SELENOW: variants seen among roughly 807,000 people sequenced by gnomAD.
SELENOW encodes the protein selenoprotein W, 1.
Under a neutral mutation model 16.6 loss-of-function variants are expected in SELENOW, and 20 were observed. The ratio of observed to expected loss-of-function variants is 1.21; its 90% CI spans 0.85 to 1.76. The LOEUF (loss-of-function observed/expected upper bound fraction) is 1.76. SELENOW is among the 40% of genes most tolerant of loss of function. The pLI, the probability that SELENOW is intolerant of heterozygous loss-of-function variation, is 0.00. For missense variants in SELENOW, 124 were observed against 111.0 expected (o/e 1.12, Z -0.53); for synonymous variants, 44 against 46.2 (o/e 0.95, Z 0.19).
chr19:47,778,726 AGGT>A lies in SELENOW; in HGVS notation c.-57_-55del. ...GCACTCGCGCAGACCTAGCGCGTCC[AGGT>A]GGGAGGTTAGTGTGGCCCGGGCGTC... On this transcript the variant is annotated 5_prime_UTR_variant, in exon 1 of 6. Coordinates refer to ENST00000601048, the MANE Select transcript of SELENOW (RefSeq NM_003009.4). 1 of 1,565,238 alleles carries A rather than the reference AGGT, an allele frequency of 6.4e-7. No individual in the cohort carries two copies. The highest frequency in any genetic ancestry group is 8.7e-7 in the Non-Finnish European group (1 of 1,154,860).
At chr19:47,780,779 C>A in intron 2 of SELENOW, 30 bp downstream of exon 2, 1 of 1,584,910 alleles carries the variant, frequency 6.3e-7, no homozygotes, top group Non-Finnish European at 8.6e-7. Flanking sequence ...GGGGGGCATT[C>A]CTGGGAGCTG....
chr19:47,780,247 T>C lies in SELENOW; in HGVS notation c.30-478T>C, dbSNP rs548058609. On this transcript the variant is annotated intron_variant, in intron 1 of 5. Transcript: ENST00000601048. ...ACATGGTGAAAATACAAAAATTAGCTGGGCGTGGTGTAAGAATCCAGGAGC... is the reference window on the plus strand; with the variant it reads ...ACATGGTGAAAATACAAAAATTAGCCGGGCGTGGTGTAAGAATCCAGGAGC... The C allele has an allele frequency of 2.4e-5, 9 of 372,104 alleles. No individual in the cohort carries two copies. The Admixed American group carries it at 2.6e-4, about 11-fold the overall frequency. The allele number at this position is 372,104 out of a possible 1,614,324, so 23.1% of individuals were successfully genotyped here.
intron 5 of SELENOW, chr19:47,782,373 C>G (rs748038343): frequency 1.3e-5 from 2 of 152,274 alleles, no homozygotes; most frequent in Middle Eastern, 3.4e-3. Flanking sequence ...ACTCCCAGTT[C>G]TCCCCATAGA....
intron 1 of SELENOW, 128 bp downstream of exon 1, chr19:47,778,942 G>A: frequency 1.1e-6 from 1 of 871,550 alleles, no homozygotes; most frequent in Non-Finnish European, 1.7e-6. Flanking sequence ...GCCCCTGTAT[G>A]TGGGTGGGGT....
intron 1 of SELENOW, chr19:47,780,524 C>CT (rs1967461236): frequency 1.7e-6 from 1 of 604,858 alleles, no homozygotes; most frequent in Non-Finnish European, 3.0e-6. Context: ...GTGCTGTGTC[C>CT]CAAAACTCTG....
At chr19:47,779,369 T>C (rs1249929402) in intron 1 of SELENOW, 1 of 153,760 alleles carries the variant, frequency 6.5e-6, no homozygotes, top group African/African-American at 2.4e-5. Flanking sequence ...GCTTAATTTC[T>C]GCAAGTCTCA....
Position 47,780,867 on chromosome 19 carries a change from C to T in SELENOW, c.58C>T (p.Leu20Phe), listed in dbSNP as rs759384782. Residue 20 changes from leucine to phenylalanine, a missense_variant, in exon 3 of 6, where the codon CTT (leucine) becomes TTT (phenylalanine). Transcript: ENST00000601048. Reference protein sequence around the residue: ...CGAUGYKSKYLQLKKKLEDEF... With the variant: ...CGAUGYKSKYFQLKKKLEDEF... The stretch of plus-strand genomic sequence containing the variant: ...TGACCTCTCACCGCGTTTTCAGTAT[C>T]TTCAGCTCAAGAAGAAGTTAGAAGA... 52 of 1,612,916 alleles carry T rather than the reference C, an allele frequency of 3.2e-5. No individual in the cohort carries two copies. Among genetic ancestry groups the T allele is most frequent in the Non-Finnish European group, 2.1e-5 (25 of 1,179,624 alleles).
intron 5 of SELENOW, chr19:47,783,619 G>A (rs1474214463): frequency 6.6e-6 from 1 of 152,160 alleles, no homozygotes; most frequent in Admixed American, 6.5e-5. Flanking sequence ...TGTGCCTTGT[G>A]CCAGAAAACT....
At position 47,780,762 on chromosome 19, in the gene SELENOW, G is replaced by C; in HGVS notation, c.54+13G>C. The C allele has an allele frequency of 3.9e-6, 6 of 1,542,978 alleles. No individual in the cohort carries two copies. Among genetic ancestry groups the C allele is most frequent in the Non-Finnish European group, 5.3e-6 (6 of 1,141,506 alleles). On this transcript the variant is annotated intron_variant, in intron 2 of 5. Transcript: ENST00000601048. ...CTACAAGTCCAAGGTAAGCAGAGTG[G>C]ATGCCCGGGGGGCATTCCTGGGAGC...
chr19:47,778,903 C>A (rs1967439482), intron 1 of SELENOW, 89 bp downstream of exon 1: 7 of 1,335,678 alleles, frequency 5.2e-6, no homozygotes, highest in Non-Finnish European at 7.2e-6. Context: ...GGGAGAGGAC[C>A]CATGGGAGCC....
Position 47,781,395 on chromosome 19 carries a change from G to A in SELENOW, c.*18+7G>A. Reference sequence around the variant, plus strand: ...ATGCGCCCTGAAGGCAGAGGTGAGGGGGCCCACTAGACAGGGACACCACCC... The same window carrying A: ...ATGCGCCCTGAAGGCAGAGGTGAGGAGGCCCACTAGACAGGGACACCACCC... On this transcript the variant is annotated splice_region_variant and intron_variant, in intron 5 of 5. Transcript: ENST00000601048. 1.4e-6 allele frequency: 2 copies of A among 1,458,370 alleles called. No individual in the cohort carries two copies. Among genetic ancestry groups the A allele is most frequent in the Non-Finnish European group, 9.5e-7 (1 of 1,057,570 alleles). The allele number at this position is 1,458,370 out of a possible 1,614,324, so 90.3% of individuals were successfully genotyped here. A position where few individuals can be genotyped will look rare whatever the true frequency, so the allele number is the denominator to read the frequency against.
At chr19:47,779,432 C>T (rs1053095497) in intron 1 of SELENOW, 2 of 152,900 alleles carry the variant, frequency 1.3e-5, no homozygotes, top group African/African-American at 2.4e-5. Flanking sequence ...CTCCCCAGCA[C>T]CTAATACTGT....
At position 47,778,721 on chromosome 19, in the gene SELENOW, C is replaced by G. The variant is rs1196623200; in HGVS notation, c.-65C>G. On this transcript the variant is annotated 5_prime_UTR_variant, in exon 1 of 6. Transcript: ENST00000601048. ...CCGCCGCACTCGCGCAGACCTAGCG[C>G]GTCCAGGTGGGAGGTTAGTGTGGCC... The G allele has an allele frequency of 3.0e-5, 46 of 1,549,474 alleles. No individual in the cohort carries two copies. Among genetic ancestry groups the G allele is most frequent in the Non-Finnish European group, 4.0e-5 (46 of 1,142,376 alleles).
At chr19:47,780,478 TTC>T (rs1211163547) in intron 1 of SELENOW, 16 of 566,624 alleles carry the variant, frequency 2.8e-5, no homozygotes, top group Non-Finnish European at 3.8e-5. Context: ...GGTGTTGGTT[TTC>T]TGTGTGTCTC....
Position 47,780,428 on chromosome 19 carries a change from C to T in SELENOW, c.30-297C>T, listed in dbSNP as rs1967459487. The T allele has an allele frequency of 7.9e-6, 4 of 507,644 alleles. No individual in the cohort carries two copies. The Admixed American group carries it at 9.8e-5, about 12-fold the overall frequency. The allele number at this position is 507,644 out of a possible 1,614,324, so 31.4% of individuals were successfully genotyped here. On this transcript the variant is annotated intron_variant, in intron 1 of 5. Coordinates refer to ENST00000601048, the MANE Select transcript of SELENOW (RefSeq NM_003009.4). ...CGTATTTGTGGTCTCCTTGTCTCCT[C>T]TCTCCCCTTTTTCCCCTCCCCCTTC... is the stretch of plus-strand genomic sequence containing the variant.
chr19:47,780,838 G>A, intron 2 of SELENOW, 26 bp from the exon 3 acceptor site: 1 of 1,611,278 alleles, frequency 6.2e-7, no homozygotes, highest in Non-Finnish European at 8.5e-7. Context: ...TATGACCCCT[G>A]CTGTGACCTC....
At chr19:47,780,404 G>C (rs1003516950) in intron 1 of SELENOW, 1 of 463,006 alleles carries the variant, frequency 2.2e-6, no homozygotes, top group Non-Finnish European at 4.0e-6. Flanking sequence ...CCCGTCTCTC[G>C]TATTTGTGGT....
chr19:47,781,095 C>A lies in SELENOW; in HGVS notation c.109-13C>A. 6.2e-7 allele frequency: 1 copy of A among 1,612,004 alleles called. No homozygotes were observed. The highest frequency in any genetic ancestry group is 1.1e-5 in the South Asian group (1 of 91,016). ...TTAGCCCCTCCAACATCTCCCCTACCCCCTTTCCTCAGTGCGGCGAGGGAA... is the reference window on the plus strand; with the variant it reads ...TTAGCCCCTCCAACATCTCCCCTACACCCTTTCCTCAGTGCGGCGAGGGAA... On this transcript the variant is annotated splice_polypyrimidine_tract_variant and intron_variant, in intron 3 of 5. Transcript: ENST00000601048.
chr19:47,780,187 C>T (rs930168449), intron 1 of SELENOW: 1 of 439,950 alleles, frequency 2.3e-6, no homozygotes, highest in Non-Finnish European at 4.6e-6. Context: ...GCGGGCCGAT[C>T]CCCTGAGGTT....
Sources: allele counts gnomAD v4.1 joint callset, GRCh38; gene constraint gnomAD v4.1.1; transcripts MANE v1.5; gene names NCBI Gene and HGNC (gene_info 2026-07-23, HGNC 2026-07-21).